Variants in BMP6 observed in about 807,000 individuals in gnomAD.
The protein encoded by BMP6 is VG-1-R.
Under a neutral mutation model 54.1 loss-of-function variants are expected in BMP6, and 17 were observed. The ratio of observed to expected loss-of-function variants is 0.31; its 90% CI spans 0.22 to 0.47. The LOEUF is 0.47. Among genes scored for constraint, BMP6 ranks in the 20% least tolerant of loss-of-function variants. The probability of loss-of-function intolerance (pLI) is 1.00; values close to 1 mark genes in which losing one functional copy is unlikely to be tolerated. For missense variants in BMP6, 720 were observed against 690.4 expected, an observed-to-expected ratio of 1.04 and a Z score of -0.48; for synonymous variants, 328 against 291.2, an observed-to-expected ratio of 1.13 and a Z score of -1.28.
chr6:7,754,226 T>C (rs1757473116), intron 1 of BMP6, among the ~76,000 whole-genome samples: 1 of 152,104 alleles, frequency 6.6e-6, no homozygotes, highest in Non-Finnish European at 1.5e-5. Flanking sequence ...CAAGCGATCC[T>C]CCCATCTCAG....
Position 7,859,667 on chromosome 6 carries a change from GAC to G in BMP6, c.858-1781_858-1780del, listed in dbSNP as rs3839524. Among the ~76,000 whole-genome samples, 1,167 of 151,482 alleles carry G rather than the reference GAC, an allele frequency of 7.7e-3. 10 individuals are homozygous for G. The highest frequency in any genetic ancestry group is 0.028 in the East Asian group (142 of 5,162). On this transcript the variant is annotated intron_variant, in intron 2 of 6. Transcript: ENST00000283147. The stretch of plus-strand genomic sequence containing the variant: ...CAGTCTCTGCTTGCTGTTTTCCATG[GAC>G]ACCCCCCGCACCCCCCGCAATCTCC...
chr6:7,876,374 T>TA (rs1759614987), intron 4 of BMP6, among the ~76,000 whole-genome samples: 1 of 152,234 alleles, frequency 6.6e-6, no homozygotes, highest in Admixed American at 6.5e-5. Context: ...CTTTTCAACT[T>TA]AAAGATGTTT....
At chr6:7,871,350 T>G (rs752929885) in intron 4 of BMP6, among the ~76,000 whole-genome samples, 7 of 152,220 alleles carry the variant, frequency 4.6e-5, no homozygotes, top group Non-Finnish European at 8.8e-5. Context: ...AATTAACATC[T>G]GATACATTCT....
chr6:7,769,444 T>C (rs539419579), intron 1 of BMP6, among the ~76,000 whole-genome samples: 1 of 152,342 alleles, frequency 6.6e-6, no homozygotes, highest in South Asian at 2.1e-4. Context: ...GAGTTTGCTA[T>C]CGCCTGGCTT....
intron 1 of BMP6, among the ~76,000 whole-genome samples, chr6:7,822,098 G>A (rs1758619713): frequency 2.0e-5 from 3 of 151,986 alleles, no homozygotes; most frequent in African/African-American, 4.8e-5. Context: ...TCGGCTGACT[G>A]CAACCTCCGC....
chr6:7,879,043 G>C lies in BMP6; in HGVS notation c.1205-31G>C. ...TAATGAGTTGATGGGTGCATCTTTT[G>C]ATGGGTGCATCTTTTGATCTCCTCC... On this transcript the variant is annotated intron_variant, in intron 4 of 6. Transcript: ENST00000283147. 4 of 1,598,734 alleles carry C rather than the reference G, an allele frequency of 2.5e-6. No homozygotes were observed. In the South Asian group the frequency reaches 4.4e-5, roughly 18 times the overall value.
chr6:7,830,804 C>T (rs559517073), intron 1 of BMP6, among the ~76,000 whole-genome samples: 4 of 152,054 alleles, frequency 2.6e-5, no homozygotes, highest in East Asian at 3.9e-4. Context: ...AAGAACAGCA[C>T]GGGAAAACCC....
chr6:7,861,452 G>C lies in BMP6; in HGVS notation c.859G>C (p.Asp287His), dbSNP rs1425260282. The C allele has an allele frequency of 5.0e-6, 8 of 1,613,716 alleles. No homozygotes were observed. The African/African-American group carries it at 1.1e-4, about 22-fold the overall frequency. ...YQVLQEHQHR[D>H]SDLFLLDTRV... ...CAGGCCATTTTTTCTTTCTTTCAGA[G>C]ACTCTGACCTGTTTTTGTTGGACAC... Residue 287 changes from aspartate (D) to histidine (H), a missense_variant and splice_region_variant, in exon 3 of 7, where the codon GAC becomes CAC. Transcript: ENST00000283147.
intron 1 of BMP6, among the ~76,000 whole-genome samples, chr6:7,839,646 G>A (rs749327557): frequency 3.3e-5 from 5 of 152,286 alleles, no homozygotes; most frequent in East Asian, 3.9e-4. Context: ...ATTTCCTTCC[G>A]TTTTAAGGTT....
intron 1 of BMP6, among the ~76,000 whole-genome samples, chr6:7,777,127 A>T (rs1163821299): frequency 6.6e-6 from 1 of 152,196 alleles, no homozygotes; most frequent in Non-Finnish European, 1.5e-5. Context: ...ATATGCCATG[A>T]TCTAGCAAGG....
At chr6:7,865,799 G>A (rs752936305) in intron 4 of BMP6, among the ~76,000 whole-genome samples, 2 of 152,160 alleles carry the variant, frequency 1.3e-5, no homozygotes, top group Non-Finnish European at 2.9e-5. Flanking sequence ...CTTCCATGGC[G>A]TGCTCCCAGG....
At chr6:7,755,281 T>C (rs1055486942) in intron 1 of BMP6, among the ~76,000 whole-genome samples, 1 of 152,198 alleles carries the variant, frequency 6.6e-6, no homozygotes, top group Admixed American at 6.5e-5. Context: ...CTGCCTTCTT[T>C]TGGATTGTGT....
chr6:7,801,663 C>T (rs557132026), intron 1 of BMP6, among the ~76,000 whole-genome samples: 10 of 152,324 alleles, frequency 6.6e-5, no homozygotes, highest in Admixed American at 5.2e-4. Context: ...ACTTTTCCCT[C>T]CCAGTCTGGG....
intron 1 of BMP6, among the ~76,000 whole-genome samples, chr6:7,798,726 A>T (rs1406771354): frequency 6.6e-6 from 1 of 152,180 alleles, no homozygotes; most frequent in African/African-American, 2.4e-5. Context: ...ACCTGTTGAG[A>T]AAAACTATTT....
chr6:7,834,129 C>G (rs996216335), intron 1 of BMP6, among the ~76,000 whole-genome samples: 2 of 148,584 alleles, frequency 1.3e-5, no homozygotes, highest in Non-Finnish European at 3.0e-5. Flanking sequence ...TAAGCCGGGA[C>G]TGTCAAAGGG....
intron 1 of BMP6, among the ~76,000 whole-genome samples, chr6:7,756,712 T>C (rs894436662): frequency 2.0e-5 from 3 of 152,244 alleles, no homozygotes; most frequent in Non-Finnish European, 4.4e-5. Flanking sequence ...TTGATCCTTT[T>C]GAACTTTGCT....
At chr6:7,858,594 C>G (rs1007719635) in intron 2 of BMP6, among the ~76,000 whole-genome samples, 1 of 151,910 alleles carries the variant, frequency 6.6e-6, no homozygotes, top group Non-Finnish European at 1.5e-5. Context: ...TGATTAAATT[C>G]CATTTGCCCC....
chr6:7,868,981 G>A (rs763800573), intron 4 of BMP6, among the ~76,000 whole-genome samples: 1 of 152,094 alleles, frequency 6.6e-6, no homozygotes, highest in Non-Finnish European at 1.5e-5. Context: ...CTTGCCCTTT[G>A]TTTCGCTGTC....
chr6:7,820,497 C>G (rs901599243), intron 1 of BMP6, among the ~76,000 whole-genome samples: 8 of 152,208 alleles, frequency 5.3e-5, no homozygotes, highest in East Asian at 1.9e-4. Context: ...CTGTCCCCAC[C>G]AAAGGGAGTT....
Sources: gnomAD v4.1 joint callset for allele counts (sites outside exome capture counted in the v4.1 genomes callset) on GRCh38, gnomAD v4.1.1 for gene constraint, MANE v1.5 for transcripts, NCBI Gene and HGNC (gene_info 2026-07-23, HGNC 2026-07-21) for gene names.